The following AP3D1 variants were observed in gnomAD, a reference collection of about 807,000 sequenced individuals.
AP3D1 encodes the protein AP-3 complex subunit delta-1.
In AP3D1, 51 loss-of-function variants were observed where a neutral mutation model predicts 147.6. The ratio of observed to expected loss-of-function variants is 0.35; its 90% CI spans 0.28 to 0.44. AP3D1 has a LOEUF of 0.44. Among genes scored for constraint, AP3D1 ranks in the 20% least tolerant of loss-of-function variants. AP3D1 has a pLI of 1.00. For missense variants in AP3D1, 1,421 were observed against 1,624.2 expected (o/e 0.87, Z 2.15); for synonymous variants, 760 against 663.0 (o/e 1.15, Z -2.25).
At chr19:2,109,624 C>T in intron 29 of AP3D1, 1 of 544,292 alleles carries the variant, frequency 1.8e-6, no homozygotes, top group Non-Finnish European at 3.3e-6. Context: ...GGTCTCACCC[C>T]TCCAGCCTTC....
At chr19:2,138,538 A>T (rs2019135650) in intron 2 of AP3D1, 81 bp downstream of exon 2, 1 of 1,089,256 alleles carries the variant, frequency 9.2e-7, no homozygotes, top group Non-Finnish European at 1.4e-6. Context: ...AGGTGGACAG[A>T]CAGGCTGATG....
At chr19:2,119,270 T>C (rs1267566472) in intron 14 of AP3D1, among the ~76,000 whole-genome samples, 3 of 152,168 alleles carry the variant, frequency 2.0e-5, no homozygotes, top group African/African-American at 4.8e-5. Flanking sequence ...AAGAAAATGA[T>C]AGAAGTGGCC....
intron 1 of AP3D1, among the ~76,000 whole-genome samples, chr19:2,142,647 G>A (rs2019251418): frequency 1.3e-5 from 2 of 152,210 alleles, no homozygotes; most frequent in Non-Finnish European, 2.9e-5. Flanking sequence ...GCTGAGGGGA[G>A]CCGGGCCGCT....
intron 1 of AP3D1, among the ~76,000 whole-genome samples, chr19:2,160,175 A>T (rs1203054757): frequency 6.6e-6 from 1 of 152,186 alleles, no homozygotes; most frequent in Admixed American, 6.6e-5. Flanking sequence ...GGCAGTTTCA[A>T]ACCTGTAACA....
At chr19:2,152,894 C>CA (rs568077207), upstream of AP3D1, among the ~76,000 whole-genome samples, 8 of 150,598 alleles carry the variant, frequency 5.3e-5, no homozygotes, top group African/African-American at 2.0e-4. Context: ...CAAAACAAAC[C>CA]AAAAAAACTG....
intron 31 of AP3D1, among the ~76,000 whole-genome samples, chr19:2,107,604 G>T (rs538983153): frequency 5.3e-5 from 8 of 152,182 alleles, no homozygotes; most frequent in Admixed American, 4.6e-4. Flanking sequence ...GCCGGGCGTG[G>T]TGGCAGGTGC....
At position 2,118,674 on chromosome 19, in the gene AP3D1, T is replaced by G. The variant is rs770195616; in HGVS notation, c.1640A>C (p.Gln547Pro). The change falls in exon 15 of 32, where the codon CAG becomes CCG. Residue 547 changes from glutamine to proline, a missense_variant. Gln to Pro is a moderately conservative substitution (Grantham distance 76, BLOSUM62 -1). This residue lies in a region of AP3D1 where 310 missense variants were observed against 388.1 expected (regional missense o/e 0.80). Transcript: ENST00000643116. ...KEQAGEAEGA[Q>P]AVTQLMVDRL... ...GTCCACCATGAGCTGGGTGACGGCC[T>G]GAGCGCCCTCTGCCTCCCCGGCCTG... The G allele has an allele frequency of 1.9e-6, 3 of 1,613,218 alleles. No homozygotes were observed. The highest frequency in any genetic ancestry group is 2.5e-6 in the Non-Finnish European group (3 of 1,180,026).
chr19:2,105,439 G>C (rs1411766783), intron 31 of AP3D1, among the ~76,000 whole-genome samples: 22 of 152,256 alleles, frequency 1.4e-4, no homozygotes, highest in Admixed American at 1.4e-3. Flanking sequence ...GCATGAGCGA[G>C]CTGTGTCTTC....
intron 1 of AP3D1, among the ~76,000 whole-genome samples, chr19:2,144,365 G>A (rs970888852): frequency 1.3e-5 from 2 of 152,182 alleles, no homozygotes; most frequent in Non-Finnish European, 2.9e-5. Flanking sequence ...GAGCAGAGCG[G>A]CCGCGGCCAC....
rs145130863 is a variant in AP3D1 at position 2,114,372 on chromosome 19, G to A, written c.2424-70C>T. ...CCCCCAGGACCACTCAGTACATGCC[G>A]TGTCCAAGCATGTGGCAGTGCGGGA... On this transcript the variant is annotated intron_variant, in intron 21 of 31. Transcript: ENST00000643116. The A allele has an allele frequency of 2.1e-5, 28 of 1,335,914 alleles. No individual in the cohort carries two copies. In the East Asian group the frequency reaches 2.8e-4, roughly 13 times the overall value. 82.8% of individuals were successfully genotyped at this position (1,335,914 alleles called of 1,614,324 possible). A position where few individuals can be genotyped will look rare whatever the true frequency, so the allele number is the denominator to read the frequency against.
intron 8 of AP3D1, among the ~76,000 whole-genome samples, chr19:2,127,989 G>A (rs2018806732): frequency 6.6e-6 from 1 of 152,196 alleles, no homozygotes; most frequent in African/African-American, 2.4e-5. Context: ...CCGTGTGCGC[G>A]TATGCTACAC....
At chr19:2,118,542 G>A (rs972618569) in intron 15 of AP3D1, 59 bp downstream of exon 15, 1 of 1,521,896 alleles carries the variant, frequency 6.6e-7, no homozygotes. Context: ...GCCGCCACTG[G>A]ACAGAAAGGC....
chr19:2,162,554 G>A (rs1025232838), intron 1 of AP3D1, among the ~76,000 whole-genome samples: 2 of 151,270 alleles, frequency 1.3e-5, no homozygotes, highest in South Asian at 2.1e-4. Flanking sequence ...CCAGCTACTC[G>A]GGAGGCTGAG....
chr19:2,125,722 G>A (rs2018735914), intron 9 of AP3D1, among the ~76,000 whole-genome samples: 4 of 152,066 alleles, frequency 2.6e-5, no homozygotes, highest in Admixed American at 2.6e-4. Flanking sequence ...AGAAATGTAG[G>A]CCGGGCGCGG....
chr19:2,110,843 G>T lies in AP3D1; in HGVS notation c.3039C>A (p.Ile1013=). ...TGCTGCTGCTCCTGTTCTCCAGCAC[G>T]ATGGCCACAGTGACCTGGCTGTCCT... ...LQEDSQVTVA[I]VLENRSSSIL... The change falls in exon 27 of 32, where the codon ATC becomes ATA. Residue 1013 remains isoleucine (I), a synonymous_variant. Coordinates refer to ENST00000643116, the MANE Select transcript of AP3D1 (RefSeq NM_001261826.3). The T allele has an allele frequency of 1.2e-6, 2 of 1,613,640 alleles. No homozygotes were observed. Among genetic ancestry groups the T allele is most frequent in the South Asian group, 2.2e-5 (2 of 91,082 alleles).
intron 4 of AP3D1, among the ~76,000 whole-genome samples, chr19:2,134,375 T>A (rs901750823): frequency 1.3e-5 from 2 of 151,730 alleles, no homozygotes; most frequent in African/African-American, 4.8e-5. Flanking sequence ...GAGCTGCAAT[T>A]GCGCTACTGC....
chr19:2,153,859 G>A (rs1047734163), upstream of AP3D1, among the ~76,000 whole-genome samples: 8 of 151,952 alleles, frequency 5.3e-5, no homozygotes, highest in Non-Finnish European at 8.8e-5. Context: ...CCCCTCGCCC[G>A]AGATAGAGTC....
chr19:2,138,004 G>C (rs1420440689), intron 2 of AP3D1, among the ~76,000 whole-genome samples, 197 bp from the exon 3 acceptor site: 1 of 152,124 alleles, frequency 6.6e-6, no homozygotes, highest in Non-Finnish European at 1.5e-5. Context: ...AAAGCTACAG[G>C]GACAAGTTAG....
upstream of AP3D1, among the ~76,000 whole-genome samples, chr19:2,153,387 G>T (rs553197055): frequency 2.2e-5 from 3 of 138,122 alleles, no homozygotes; most frequent in Non-Finnish European, 4.5e-5. Context: ...AAAGAAGTGG[G>T]GGGGGGGACC....
Sources: gnomAD v4.1 joint callset for allele counts (sites outside exome capture counted in the v4.1 genomes callset) on GRCh38, gnomAD v4.1.1 for gene constraint, gnomAD v4.1.1 regional missense constraint, MANE v1.5 for transcripts, NCBI Gene and HGNC (gene_info 2026-07-23, HGNC 2026-07-21) for gene names.